The following MECOM variants were observed in gnomAD, a reference collection of about 807,000 sequenced individuals.
The protein encoded by MECOM is MDS1 and EVI1 complex locus.
Under a neutral mutation model 116.3 loss-of-function variants are expected in MECOM, and 13 were observed. The observed-to-expected ratio is 0.11, with a 90% confidence interval of 0.07 to 0.18. The LOEUF (loss-of-function observed/expected upper bound fraction) is 0.18. Among genes scored for constraint, MECOM ranks in the 10% least tolerant of loss-of-function variants. MECOM has a pLI of 1.00. For synonymous variants in MECOM, 528 were observed against 535.2 expected, an observed-to-expected ratio of 0.99 and a Z score of 0.19; for missense variants, 1,299 against 1,509.0, an observed-to-expected ratio of 0.86 and a Z score of 2.31.
chr3:169,440,527 G>A (rs986810004), intron 1 of MECOM, among the ~76,000 whole-genome samples: 3 of 146,184 alleles, frequency 2.1e-5, no homozygotes, highest in African/African-American at 5.0e-5. Flanking sequence ...GGCATGTAAG[G>A]TGCTAGAAGG....
intron 2 of MECOM, among the ~76,000 whole-genome samples, chr3:169,190,049 G>A (rs772436694): frequency 3.3e-5 from 5 of 151,990 alleles, no homozygotes; most frequent in African/African-American, 4.8e-5. Flanking sequence ...TACAGACGCA[G>A]AATGTGATAA....
chr3:169,390,118 A>G (rs1196976505), intron 1 of MECOM, among the ~76,000 whole-genome samples: 1 of 152,152 alleles, frequency 6.6e-6, no homozygotes, highest in Non-Finnish European at 1.5e-5. Context: ...GCTGAGAGTC[A>G]TAGCTGCTTG....
chr3:169,662,906 C>A (rs902029784), intron 1 of MECOM, among the ~76,000 whole-genome samples: 1 of 151,928 alleles, frequency 6.6e-6, no homozygotes, highest in Non-Finnish European at 1.5e-5. Context: ...TCCTCCCACA[C>A]CCGGGACTAG....
At chr3:169,462,225 C>G (rs1747567567) in intron 1 of MECOM, among the ~76,000 whole-genome samples, 1 of 152,170 alleles carries the variant, frequency 6.6e-6, no homozygotes, top group Non-Finnish European at 1.5e-5. Context: ...CCTATACTCT[C>G]AATCAAAGGT....
At chr3:169,200,102 C>T (rs1169807810) in intron 2 of MECOM, among the ~76,000 whole-genome samples, 2 of 152,056 alleles carry the variant, frequency 1.3e-5, no homozygotes, top group Non-Finnish European at 2.9e-5. Context: ...TGTCCTTCCT[C>T]ATTTCAAAGG....
rs138172757 is a variant in MECOM, at chr3:169,111,376, A to T, written c.2577+1411T>A. Among the ~76,000 whole-genome samples the T allele has an allele frequency of 3.3e-3, 505 of 152,300 alleles. 3 individuals are homozygous for T. Among genetic ancestry groups the T allele is most frequent in the African/African-American group, 0.012 (481 of 41,574 alleles). ...TAACATTAATGTATACATGAATATT[A>T]TATGTTCATAAGTATTTATTTATAA... is the stretch of plus-strand genomic sequence containing the variant. On this transcript the variant is annotated intron_variant, in intron 9 of 16. Transcript: ENST00000651503.
chr3:169,496,978 C>T (rs375960395), intron 1 of MECOM, among the ~76,000 whole-genome samples: 1 of 152,206 alleles, frequency 6.6e-6, no homozygotes, highest in Non-Finnish European at 1.5e-5. Flanking sequence ...AGCCTTCTAT[C>T]CATTCAAACT....
chr3:169,448,224 G>C (rs937705383), intron 1 of MECOM, among the ~76,000 whole-genome samples: 3 of 152,096 alleles, frequency 2.0e-5, no homozygotes, highest in Non-Finnish European at 4.4e-5. Context: ...TGAGCAACTA[G>C]CCTTGCTACC....
chr3:169,556,283 C>T (rs1003603787), intron 1 of MECOM, among the ~76,000 whole-genome samples: 1 of 152,142 alleles, frequency 6.6e-6, no homozygotes, highest in African/African-American at 2.4e-5. Context: ...TTATTTCCTC[C>T]CCAGGCTGAC....
intron 2 of MECOM, among the ~76,000 whole-genome samples, chr3:169,184,450 G>A (rs188027221): frequency 1.3e-4 from 20 of 152,258 alleles, no homozygotes; most frequent in Admixed American, 5.2e-4. Context: ...ATTAAATCAC[G>A]GAGGGCCATG....
chr3:169,142,520 A>C (rs1163357336), intron 3 of MECOM, among the ~76,000 whole-genome samples: 1 of 151,928 alleles, frequency 6.6e-6, no homozygotes, highest in Non-Finnish European at 1.5e-5. Flanking sequence ...TCAATAGCTA[A>C]TTTAATAATG....
At chr3:169,640,013 A>G (rs1773264293) in intron 1 of MECOM, among the ~76,000 whole-genome samples, 1 of 152,234 alleles carries the variant, frequency 6.6e-6, no homozygotes, top group African/African-American at 2.4e-5. Flanking sequence ...GGAACAGGAA[A>G]AAGACACAAC....
rs1488763928 is a variant in MECOM, at chr3:169,263,087, A to C, written c.375+118100T>G. Among the ~76,000 whole-genome samples, 10 of 10,732 alleles carry C rather than the reference A, an allele frequency of 9.3e-4. No individual in the cohort carries two copies. Among genetic ancestry groups the C allele is most frequent in the African/African-American group, 3.1e-3 (10 of 3,272 alleles). 7.0% of individuals were successfully genotyped at this position (10,732 alleles called of 152,430 possible). A position where few individuals can be genotyped will look rare whatever the true frequency, so the allele number is the denominator to read the frequency against. The stretch of plus-strand genomic sequence containing the variant: ...CTTTTTTTCAAGATGCTATATATAT[A>C]TATATATATATATATATATATATAT... On this transcript the variant is annotated intron_variant, in intron 2 of 16. Transcript: ENST00000651503.
rs1177194949 is a variant in MECOM, at chr3:169,133,959, C to A, written c.511-2428G>T. On this transcript the variant is annotated intron_variant, in intron 3 of 16. Coordinates refer to ENST00000651503, the MANE Select transcript of MECOM (RefSeq NM_004991.4). The stretch of plus-strand genomic sequence containing the variant: ...AGGTTTAACTTATTAGCTTCCTTTC[C>A]AACAACATGTTGACATTTGAATTGT... The A allele has an allele frequency of 4.7e-6, 6 of 1,289,166 alleles. No individual in the cohort carries two copies. In the African/African-American group the frequency reaches 9.1e-5, roughly 20 times the overall value. 79.9% of individuals were successfully genotyped at this position (1,289,166 alleles called of 1,614,324 possible).
At chr3:169,246,507 ACTG>A in intron 2 of MECOM, among the ~76,000 whole-genome samples, 1 of 151,736 alleles carries the variant, frequency 6.6e-6, no homozygotes, top group Non-Finnish European at 1.5e-5. Flanking sequence ...TCATCTATCA[ACTG>A]AAACAGTACA....
intron 11 of MECOM, 151 bp downstream of exon 11, chr3:169,101,909 C>A: frequency 1.6e-6 from 1 of 607,638 alleles, no homozygotes; most frequent in Non-Finnish European, 2.5e-6. Flanking sequence ...TTTTATATTT[C>A]ACTAAATGAA....
intron 2 of MECOM, among the ~76,000 whole-genome samples, chr3:169,217,906 T>G (rs1421184192): frequency 6.6e-6 from 1 of 150,934 alleles, no homozygotes; most frequent in African/African-American, 2.4e-5. Context: ...AGGGTAGTTT[T>G]TCTCACTCAT....
At chr3:169,544,526 T>C (rs945154146) in intron 1 of MECOM, among the ~76,000 whole-genome samples, 1 of 152,198 alleles carries the variant, frequency 6.6e-6, no homozygotes, top group Non-Finnish European at 1.5e-5. Context: ...CCAGCATCTG[T>C]TGTTTCTTGA....
chr3:169,663,223 C>A, intron 1 of MECOM, 113 bp downstream of exon 1: 1 of 1,297,238 alleles, frequency 7.7e-7, no homozygotes, highest in Non-Finnish European at 1.1e-6. Flanking sequence ...CTGCCCTCCA[C>A]CCGGGGCCCC....
Sources: allele counts gnomAD v4.1 joint callset (sites outside exome capture counted in the v4.1 genomes callset), GRCh38; gene constraint gnomAD v4.1.1; transcripts MANE v1.5; gene names NCBI Gene and HGNC (gene_info 2026-07-23, HGNC 2026-07-21).